GRAMD2B: variants seen among roughly 807,000 people sequenced by gnomAD.
GRAMD2B encodes the protein GRAM domain-containing protein 2B.
In GRAMD2B, 41 loss-of-function variants were observed where a neutral mutation model predicts 59.2. That is an observed-to-expected ratio of 0.69 (90% CI 0.54 to 0.90). The LOEUF is 0.90. Ranked by LOEUF, GRAMD2B falls within the 40% of genes least tolerant of loss-of-function variation. The pLI, the probability that GRAMD2B is intolerant of heterozygous loss-of-function variation, is 0.00. For missense variants in GRAMD2B, 424 were observed against 500.5 expected (o/e 0.85, Z 1.46); for synonymous variants, 161 against 182.7 (o/e 0.88, Z 0.96).
At chr5:126,469,645 T>C in intron 2 of GRAMD2B, 32 bp from the exon 3 acceptor site, 11 of 1,461,374 alleles carry the variant, frequency 7.5e-6, no homozygotes, top group Non-Finnish European at 1.0e-5. Context: ...AAAAAAATTA[T>C]CTTATAGACA....
chr5:126,397,495 ATT>A (rs1335433721), intron 1 of GRAMD2B, among the ~76,000 whole-genome samples: 1 of 152,090 alleles, frequency 6.6e-6, no homozygotes, highest in African/African-American at 2.4e-5. Flanking sequence ...AAGTGCTGGG[ATT>A]ATAGGTGTGA....
intron 1 of GRAMD2B, among the ~76,000 whole-genome samples, chr5:126,378,081 T>C (rs556264207): frequency 4.7e-4 from 71 of 152,312 alleles, no homozygotes; most frequent in African/African-American, 1.4e-3. Flanking sequence ...ATTCTTGTGT[T>C]TATAAGGCAC....
intron 1 of GRAMD2B, among the ~76,000 whole-genome samples, chr5:126,464,601 C>A (rs1397345246): frequency 6.6e-6 from 1 of 152,188 alleles, no homozygotes; most frequent in Non-Finnish European, 1.5e-5. Context: ...TCCACCTTCT[C>A]TTTTACCAAG....
At chr5:126,465,763 G>A (rs536004576) in intron 2 of GRAMD2B, among the ~76,000 whole-genome samples, 6 of 152,162 alleles carry the variant, frequency 3.9e-5, no homozygotes, top group Non-Finnish European at 7.4e-5. Context: ...TTCTGAAAGC[G>A]CTGATTTTGC....
intron 1 of GRAMD2B, among the ~76,000 whole-genome samples, chr5:126,399,680 A>G (rs1757660007): frequency 6.6e-6 from 1 of 152,224 alleles, no homozygotes; most frequent in Non-Finnish European, 1.5e-5. Context: ...CTAATACAAT[A>G]TATTTATAGT....
Position 126,405,462 on chromosome 5 carries a change from C to A in GRAMD2B, c.125+33895C>A, listed in dbSNP as rs548536770. 3.3e-5 allele frequency among the ~76,000 whole-genome samples: 5 copies of A among 152,006 alleles called. No individual in the cohort carries two copies. In the South Asian group the frequency reaches 1.0e-3, roughly 32 times the overall value. On this transcript the variant is annotated intron_variant, in intron 1 of 8. Transcript: ENST00000506445. ...CAATGGTACAATAAGACAATCCTCA[C>A]AGAGTTGTAAAGATTAAATAATCTG... is the stretch of plus-strand genomic sequence containing the variant.
At chr5:126,376,326 G>T (rs979939121) in intron 1 of GRAMD2B, among the ~76,000 whole-genome samples, 1 of 152,164 alleles carries the variant, frequency 6.6e-6, no homozygotes, top group Non-Finnish European at 1.5e-5. Flanking sequence ...TCTGGGATGA[G>T]GTCCACTCCA....
chr5:126,416,379 A>G (rs1363637487), intron 1 of GRAMD2B, among the ~76,000 whole-genome samples: 1 of 152,206 alleles, frequency 6.6e-6, no homozygotes, highest in Non-Finnish European at 1.5e-5. Context: ...ATTCAACATT[A>G]GAACATCTCA....
In GRAMD2B at chr5:126,387,950, C is replaced by A. The variant is rs1439937503; in HGVS notation, c.125+16383C>A. ...CAGAGTCTGTCACTTGAATGAACTT[C>A]TTCTAATTCAATATTCATTGTTTGC... On this transcript the variant is annotated intron_variant, in intron 1 of 8. Transcript: ENST00000506445. Among the ~76,000 whole-genome samples the A allele has an allele frequency of 3.9e-5, 6 of 152,230 alleles. No homozygotes were observed. In the East Asian group the frequency reaches 1.2e-3, roughly 29 times the overall value.
chr5:126,474,093 A>T (rs927185946), intron 5 of GRAMD2B, among the ~76,000 whole-genome samples: 1 of 152,136 alleles, frequency 6.6e-6, no homozygotes, highest in Non-Finnish European at 1.5e-5. Context: ...TCCCACTGAC[A>T]TTTTTTTACC....
chr5:126,391,158 T>C (rs1433415408), intron 1 of GRAMD2B, among the ~76,000 whole-genome samples: 1 of 151,700 alleles, frequency 6.6e-6, no homozygotes, highest in African/African-American at 2.4e-5. Flanking sequence ...CTGGCCAACA[T>C]GGTAAAACCC....
At chr5:126,389,157 C>T (rs965293162) in intron 1 of GRAMD2B, among the ~76,000 whole-genome samples, 3 of 152,178 alleles carry the variant, frequency 2.0e-5, no homozygotes, top group Non-Finnish European at 4.4e-5. Context: ...TATCATGTTG[C>T]ACTTTAGTTT....
At chr5:126,478,400 T>G (rs375970831) in intron 6 of GRAMD2B, among the ~76,000 whole-genome samples, 324 of 152,232 alleles carry the variant, frequency 2.1e-3, no homozygotes, top group South Asian at 0.015. Context: ...ATTGTGCCAC[T>G]GCACTCCAGC....
chr5:126,427,099 C>A (rs1394133752), intron 1 of GRAMD2B, among the ~76,000 whole-genome samples: 3 of 152,084 alleles, frequency 2.0e-5, no homozygotes, highest in African/African-American at 7.2e-5. Context: ...GGCCAGAATA[C>A]CCTTGCTCTA....
At chr5:126,465,766 G>A (rs996708710) in intron 2 of GRAMD2B, among the ~76,000 whole-genome samples, 1 of 152,192 alleles carries the variant, frequency 6.6e-6, no homozygotes, top group Non-Finnish European at 1.5e-5. Context: ...TGAAAGCGCT[G>A]ATTTTGCTAA....
At chr5:126,478,363 A>G (rs149201852) in intron 6 of GRAMD2B, among the ~76,000 whole-genome samples, 4,075 of 152,252 alleles carry the variant, frequency 0.027, 67 homozygotes, top group Middle Eastern at 0.075. Flanking sequence ...ACTTGAGCCC[A>G]GGAGGTAAAG....
chr5:126,382,003 G>A (rs1185946322), intron 1 of GRAMD2B, among the ~76,000 whole-genome samples: 2 of 152,226 alleles, frequency 1.3e-5, no homozygotes, highest in East Asian at 3.9e-4. Context: ...TCTTGTTTAA[G>A]GAGGCTAAAG....
At chr5:126,405,944 C>G (rs1018500414) in intron 1 of GRAMD2B, among the ~76,000 whole-genome samples, 1 of 151,716 alleles carries the variant, frequency 6.6e-6, no homozygotes, top group East Asian at 1.9e-4. Flanking sequence ...TTAAAATGTT[C>G]TAGTGTTACA....
At chr5:126,385,974 G>A (rs1484776865) in intron 1 of GRAMD2B, among the ~76,000 whole-genome samples, 1 of 152,138 alleles carries the variant, frequency 6.6e-6, no homozygotes, top group Non-Finnish European at 1.5e-5. Flanking sequence ...TGGGTCTCTG[G>A]AGCAGAGAGG....
Sources: gnomAD v4.1 joint callset for allele counts (sites outside exome capture counted in the v4.1 genomes callset) on GRCh38, gnomAD v4.1.1 for gene constraint, MANE v1.5 for transcripts, NCBI Gene and HGNC (gene_info 2026-07-23, HGNC 2026-07-21) for gene names.